The following CMSS1 variants were observed in gnomAD, a reference collection of about 807,000 sequenced individuals.
CMSS1 encodes the protein cms1 ribosomal small subunit homolog, also known as protein CMSS1.
A neutral mutation model predicts 43.5 loss-of-function variants in CMSS1; 33 were observed. The ratio of observed to expected loss-of-function variants is 0.76; its 90% confidence interval spans 0.57 to 1.01. The LOEUF is 1.01. Among genes scored for constraint, CMSS1 ranks in the 50% least tolerant of loss-of-function variants. The pLI is 0.00. For missense variants in CMSS1, 313 were observed against 326.4 expected (o/e 0.96, Z 0.32); for synonymous variants, 115 against 117.2 (o/e 0.98, Z 0.12).
chr3:100,005,275 C>T (rs886951022), intron 1 of CMSS1, among the ~76,000 whole-genome samples: 6 of 152,122 alleles, frequency 3.9e-5, no homozygotes, highest in Non-Finnish European at 2.9e-5. Flanking sequence ...GTTTTTGGCT[C>T]AATATTCAGT....
In CMSS1 at chr3:99,847,562, A is replaced by G. The variant is rs545049203; in HGVS notation, c.64+29519A>G. Among the ~76,000 whole-genome samples, 14 of 152,228 alleles carry G rather than the reference A, an allele frequency of 9.2e-5. No homozygotes were observed. In the South Asian group the frequency reaches 2.9e-3, roughly 32 times the overall value. On this transcript the variant is annotated intron_variant, in intron 1 of 9. Coordinates refer to ENST00000421999, the MANE Select transcript of CMSS1 (RefSeq NM_032359.4). ...CTTTTTAATTTTATCATCTGCTTCT[A>G]TGTGCTCATGAAAACCAAAATTATT...
chr3:100,027,735 A>G (rs1433179251), intron 1 of CMSS1, among the ~76,000 whole-genome samples: 2 of 152,214 alleles, frequency 1.3e-5, no homozygotes, highest in African/African-American at 4.8e-5. Flanking sequence ...ACACATTTGA[A>G]CAGTTTGACT....
intron 1 of CMSS1, among the ~76,000 whole-genome samples, chr3:99,900,763 T>A (rs1280054325): frequency 6.6e-6 from 1 of 152,242 alleles, no homozygotes; most frequent in Non-Finnish European, 1.5e-5. Context: ...GGTGTGAGCT[T>A]TTAGCACAGT....
At chr3:99,915,705 G>T (rs1460926340) in intron 1 of CMSS1, among the ~76,000 whole-genome samples, 1 of 151,852 alleles carries the variant, frequency 6.6e-6, no homozygotes, top group Non-Finnish European at 1.5e-5. Context: ...AGGACATTCA[G>T]CAATTCTCCT....
rs149231154 is a variant in CMSS1, at chr3:100,091,813, G to T, written c.65-55160G>T. ...CTTAAGACAGGATTATTTGCTCAGC[G>T]TCTCCTCTCGTGATTCACAGGTACA... On this transcript the variant is annotated intron_variant, in intron 1 of 9. Coordinates refer to ENST00000421999, the MANE Select transcript of CMSS1 (RefSeq NM_032359.4). 1.7e-3 allele frequency among the ~76,000 whole-genome samples: 257 copies of T among 152,214 alleles called. 2 individuals carry two copies. Among genetic ancestry groups the T allele is most frequent in the African/African-American group, 5.7e-3 (235 of 41,526 alleles).
chr3:100,088,094 G>A (rs2066043771), intron 1 of CMSS1, among the ~76,000 whole-genome samples: 1 of 152,030 alleles, frequency 6.6e-6, no homozygotes, highest in Middle Eastern at 3.2e-3. Flanking sequence ...GCCTCCCAAA[G>A]TGCTGGGATT....
intron 1 of CMSS1, among the ~76,000 whole-genome samples, chr3:100,042,777 A>G (rs1275297507): frequency 1.3e-5 from 2 of 152,206 alleles, no homozygotes; most frequent in East Asian, 1.9e-4. Flanking sequence ...AGGGACAACA[A>G]CATGAGAAAT....
chr3:100,016,772 G>A (rs1385938840), intron 1 of CMSS1, among the ~76,000 whole-genome samples: 1 of 152,138 alleles, frequency 6.6e-6, no homozygotes, highest in Non-Finnish European at 1.5e-5. Flanking sequence ...GTGCAAAGTT[G>A]CTATAAACTT....
chr3:100,119,541 G>A (rs2066602864), intron 1 of CMSS1, among the ~76,000 whole-genome samples: 1 of 152,200 alleles, frequency 6.6e-6, no homozygotes, highest in African/African-American at 2.4e-5. Flanking sequence ...CACCTTTGCA[G>A]TTGCAGCCTC....
intron 1 of CMSS1, 119 bp from the exon 2 acceptor site, chr3:100,146,854 G>T: frequency 7.8e-7 from 1 of 1,281,444 alleles, no homozygotes; most frequent in Non-Finnish European, 1.1e-6. Flanking sequence ...CTTAAGTGCA[G>T]CTTCTTTGAG....
chr3:100,036,063 C>T (rs2065101575), intron 1 of CMSS1, among the ~76,000 whole-genome samples: 1 of 152,074 alleles, frequency 6.6e-6, no homozygotes, highest in Non-Finnish European at 1.5e-5. Flanking sequence ...ACTAAAAACC[C>T]CTGTACCATC....
At chr3:100,156,457 C>A (rs989669857) in intron 2 of CMSS1, among the ~76,000 whole-genome samples, 4 of 150,048 alleles carry the variant, frequency 2.7e-5, no homozygotes, top group African/African-American at 9.8e-5. Flanking sequence ...TACAGGCGTG[C>A]GCCACCACGC....
intron 1 of CMSS1, among the ~76,000 whole-genome samples, chr3:99,943,860 G>A (rs182374718): frequency 6.6e-6 from 1 of 152,166 alleles, no homozygotes; most frequent in Non-Finnish European, 1.5e-5. Flanking sequence ...TACTTCCCTC[G>A]CAACTTCTGC....
chr3:99,996,876 TG>T (rs200859166), intron 1 of CMSS1, among the ~76,000 whole-genome samples: 2,216 of 151,646 alleles, frequency 0.015, 54 homozygotes, highest in African/African-American at 0.051. Context: ...GAGATTTGGG[TG>T]GGGACACAGC....
intron 1 of CMSS1, among the ~76,000 whole-genome samples, chr3:100,038,065 C>T (rs1392593387): frequency 2.0e-5 from 3 of 151,322 alleles, no homozygotes; most frequent in Non-Finnish European, 4.4e-5. Flanking sequence ...AGCAATTCTC[C>T]TTGCCTCAGC....
chr3:100,010,708 G>A (rs796259101), intron 1 of CMSS1, among the ~76,000 whole-genome samples: 19 of 145,502 alleles, frequency 1.3e-4, no homozygotes, highest in Admixed American at 3.5e-4. Flanking sequence ...TCTACCTCCC[G>A]GGTTCAAGCA....
At chr3:100,063,583 A>G (rs1471551795) in intron 1 of CMSS1, among the ~76,000 whole-genome samples, 1 of 152,164 alleles carries the variant, frequency 6.6e-6, no homozygotes, top group Admixed American at 6.5e-5. Flanking sequence ...GCAGATCTGA[A>G]TACTTTCTCA....
intron 1 of CMSS1, among the ~76,000 whole-genome samples, chr3:100,045,154 G>C (rs2065259169): frequency 6.6e-6 from 1 of 152,226 alleles, no homozygotes; most frequent in African/African-American, 2.4e-5. Context: ...ACAGTTTATA[G>C]ATTATATTTA....
At chr3:100,053,636 G>A (rs948971199) in intron 1 of CMSS1, among the ~76,000 whole-genome samples, 2 of 152,170 alleles carry the variant, frequency 1.3e-5, no homozygotes, top group Non-Finnish European at 2.9e-5. Context: ...GGGGAGTGGG[G>A]AGAATGGGTA....
Sources: gnomAD v4.1 joint callset for allele counts (sites outside exome capture counted in the v4.1 genomes callset) on GRCh38, gnomAD v4.1.1 for gene constraint, MANE v1.5 for transcripts, NCBI Gene and HGNC (gene_info 2026-07-23, HGNC 2026-07-21) for gene names.